The following NKAIN3 variants were observed in gnomAD, a reference collection of about 807,000 sequenced individuals.
NKAIN3 encodes sodium/potassium-transporting ATPase subunit beta-1-interacting protein 3.
A neutral mutation model predicts 30.2 loss-of-function variants in NKAIN3; 25 were observed. The observed-to-expected ratio is 0.83, with a 90% CI of 0.60 to 1.16. NKAIN3 has a LOEUF of 1.16. Ranked by LOEUF, NKAIN3 falls within the 50% of genes most tolerant of loss-of-function variation. The probability of loss-of-function intolerance (pLI) is 0.00; values close to 1 mark genes in which losing one functional copy is unlikely to be tolerated. For missense variants in NKAIN3, 225 were observed against 254.1 expected (o/e 0.89, Z 0.78); for synonymous variants, 91 against 89.6 (o/e 1.02, Z -0.09).
At chr8:62,884,395 A>T (rs1356080170) in intron 4 of NKAIN3, among the ~76,000 whole-genome samples, 3 of 152,004 alleles carry the variant, frequency 2.0e-5, no homozygotes, top group African/African-American at 7.3e-5. Flanking sequence ...AGTAGCTGAG[A>T]TTACAGGCAT....
intron 5 of NKAIN3, among the ~76,000 whole-genome samples, chr8:62,944,756 G>T (rs141291759): frequency 6.6e-6 from 1 of 152,232 alleles, no homozygotes; most frequent in Non-Finnish European, 1.5e-5. Flanking sequence ...TATAAATCTT[G>T]ATGAGTAAGT....
chr8:62,448,017 T>C (rs1216263546), intron 1 of NKAIN3, among the ~76,000 whole-genome samples: 1 of 151,936 alleles, frequency 6.6e-6, no homozygotes. Flanking sequence ...GAAATCACCT[T>C]GATAAATCAA....
intron 4 of NKAIN3, among the ~76,000 whole-genome samples, chr8:62,877,722 T>A (rs755677042): frequency 2.0e-5 from 3 of 152,160 alleles, no homozygotes; most frequent in Non-Finnish European, 4.4e-5. Flanking sequence ...TCATATGAAT[T>A]GATAGTATCA....
intron 3 of NKAIN3, among the ~76,000 whole-genome samples, chr8:62,624,467 A>G (rs1353920614): frequency 1.3e-5 from 2 of 150,840 alleles, no homozygotes; most frequent in Non-Finnish European, 3.0e-5. Flanking sequence ...GTCAGATGTA[A>G]TTCTTTGCTC....
intron 1 of NKAIN3, among the ~76,000 whole-genome samples, chr8:62,405,267 C>T (rs1254926153): frequency 1.3e-5 from 2 of 152,204 alleles, no homozygotes; most frequent in Non-Finnish European, 2.9e-5. Context: ...CCCCTGCTGG[C>T]GTCTCACTGG....
chr8:62,852,196 G>T (rs759030728), intron 4 of NKAIN3, among the ~76,000 whole-genome samples: 1 of 152,144 alleles, frequency 6.6e-6, no homozygotes, highest in Non-Finnish European at 1.5e-5. Flanking sequence ...GGGTGTATGT[G>T]TTGAGGAATT....
chr8:62,264,150 A>C (rs956370544), intron 1 of NKAIN3, among the ~76,000 whole-genome samples: 6 of 152,206 alleles, frequency 3.9e-5, no homozygotes, highest in African/African-American at 1.4e-4. Context: ...ATAGTTCAGA[A>C]GGAAAAATGA....
chr8:62,538,603 A>G (rs1217280672), intron 1 of NKAIN3, among the ~76,000 whole-genome samples: 1 of 152,218 alleles, frequency 6.6e-6, no homozygotes, highest in African/African-American at 2.4e-5. Flanking sequence ...TCAGCCACAT[A>G]ATCAATTCTT....
intron 4 of NKAIN3, among the ~76,000 whole-genome samples, chr8:62,813,387 T>C (rs1818556030): frequency 6.6e-6 from 1 of 151,940 alleles, no homozygotes; most frequent in Admixed American, 6.6e-5. Flanking sequence ...AAAAAGTCAT[T>C]GGTATTTTGG....
chr8:62,563,664 G>A (rs1178234402), intron 1 of NKAIN3, among the ~76,000 whole-genome samples: 2 of 152,100 alleles, frequency 1.3e-5, no homozygotes, highest in Non-Finnish European at 2.9e-5. Context: ...ATTTAGTTAA[G>A]CTAACTGGGT....
intron 1 of NKAIN3, among the ~76,000 whole-genome samples, chr8:62,263,582 C>A (rs960843987): frequency 1.3e-5 from 2 of 152,078 alleles, no homozygotes; most frequent in African/African-American, 4.8e-5. Flanking sequence ...AACTAGATGA[C>A]AGGACTAGTA....
At chr8:62,568,578 A>G (rs1182880962) in intron 1 of NKAIN3, among the ~76,000 whole-genome samples, 1 of 152,184 alleles carries the variant, frequency 6.6e-6, no homozygotes, top group African/African-American at 2.4e-5. Context: ...TTTTCAGTTC[A>G]TCAACTTCCA....
intron 4 of NKAIN3, among the ~76,000 whole-genome samples, chr8:62,799,065 G>C (rs368016113): frequency 6.6e-6 from 1 of 152,194 alleles, no homozygotes; most frequent in Non-Finnish European, 1.5e-5. Flanking sequence ...ATTAGAGCTG[G>C]TTAAATGTTT....
intron 4 of NKAIN3, chr8:62,855,290 C>A (rs1820029747): frequency 7.9e-6 from 4 of 509,046 alleles, no homozygotes; most frequent in South Asian, 4.1e-5. Flanking sequence ...GGCAGCTGGT[C>A]ACACAGCCTC....
At chr8:62,714,919 T>A (rs1437178016) in intron 3 of NKAIN3, among the ~76,000 whole-genome samples, 4 of 152,206 alleles carry the variant, frequency 2.6e-5, no homozygotes, top group African/African-American at 9.6e-5. Context: ...TTTAGTTAAT[T>A]CTTGCACTGC....
rs1031391913 is a variant in NKAIN3 at position 62,971,010 on chromosome 8, T to C, written c.*5603T>C. ...GTCTATTTCTCTTTTTATTTCGAAATTCTGGAGACAGTCAGCAAAGAGCCG... is the reference window on the plus strand; with the variant it reads ...GTCTATTTCTCTTTTTATTTCGAAACTCTGGAGACAGTCAGCAAAGAGCCG... On this transcript the variant is annotated 3_prime_UTR_variant, in exon 7 of 7. Coordinates refer to ENST00000623646, the MANE Select transcript of NKAIN3 (RefSeq NM_001304533.3). Among the ~76,000 whole-genome samples the C allele has an allele frequency of 2.0e-5, 3 of 152,152 alleles. No individual in the cohort carries two copies. Among genetic ancestry groups the C allele is most frequent in the African/African-American group, 7.2e-5 (3 of 41,426 alleles).
chr8:62,295,114 C>T (rs1330838700), intron 1 of NKAIN3, among the ~76,000 whole-genome samples: 2 of 152,072 alleles, frequency 1.3e-5, no homozygotes, highest in Admixed American at 1.3e-4. Flanking sequence ...GGAGGCACAA[C>T]CTTAAATAGA....
At chr8:62,374,543 A>G (rs901195887) in intron 1 of NKAIN3, among the ~76,000 whole-genome samples, 3 of 152,242 alleles carry the variant, frequency 2.0e-5, no homozygotes, top group African/African-American at 4.8e-5. Flanking sequence ...GGTTGCTTCT[A>G]TGTTTCAACT....
intron 4 of NKAIN3, chr8:62,864,263 CG>C (rs1197407619): frequency 1.3e-4 from 131 of 1,031,210 alleles, no homozygotes; most frequent in Non-Finnish European, 1.7e-4. Flanking sequence ...CCGAGGCAGA[CG>C]GCAAAGGACA....
Sources: allele counts gnomAD v4.1 joint callset (sites outside exome capture counted in the v4.1 genomes callset), GRCh38; gene constraint gnomAD v4.1.1; transcripts MANE v1.5; gene names NCBI Gene and HGNC (gene_info 2026-07-23, HGNC 2026-07-21).